ROBO2: variants seen among roughly 807,000 people sequenced by gnomAD.
ROBO2 encodes the protein roundabout homolog 2.
In ROBO2, 53 loss-of-function variants were observed where a neutral mutation model predicts 160.8. The observed-to-expected ratio is 0.33, with a 90% CI of 0.26 to 0.41. The LOEUF (loss-of-function observed/expected upper bound fraction) is 0.41. Among genes scored for constraint, ROBO2 ranks in the 10% least tolerant of loss-of-function variants. The pLI is 1.00. For missense variants in ROBO2, 1,577 were observed against 1,722.4 expected, an observed-to-expected ratio of 0.92 and a Z score of 1.49; for synonymous variants, 664 against 611.7, an observed-to-expected ratio of 1.09 and a Z score of -1.26.
At chr3:76,474,325 A>G (rs1220269784) in intron 2 of ROBO2, among the ~76,000 whole-genome samples, 4 of 152,202 alleles carry the variant, frequency 2.6e-5, no homozygotes, top group Non-Finnish European at 4.4e-5. Context: ...ATACATTATT[A>G]TATACCAGTA....
At chr3:77,625,011 A>G (rs1211282880) in intron 23 of ROBO2, among the ~76,000 whole-genome samples, 2 of 152,194 alleles carry the variant, frequency 1.3e-5, no homozygotes, top group African/African-American at 2.4e-5. Flanking sequence ...CTGCCACATT[A>G]GGGAATATAT....
At chr3:76,790,232 G>C (rs1191121211) in intron 2 of ROBO2, among the ~76,000 whole-genome samples, 1 of 151,542 alleles carries the variant, frequency 6.6e-6, no homozygotes, top group Non-Finnish European at 1.5e-5. Context: ...TCAGTAACCT[G>C]GCGATATTCT....
chr3:76,034,282 G>T (rs7644067), intron 2 of ROBO2, among the ~76,000 whole-genome samples: 8,680 of 152,256 alleles, frequency 0.057, 775 homozygotes, highest in African/African-American at 0.19. Context: ...CTCGTTTGTG[G>T]TTATAATGTT....
intron 2 of ROBO2, among the ~76,000 whole-genome samples, chr3:76,353,311 T>C (rs1435612092): frequency 6.6e-6 from 1 of 151,968 alleles, no homozygotes; most frequent in Admixed American, 6.6e-5. Context: ...ATAAGAACAG[T>C]ATTTTAAGTG....
At chr3:77,091,808 G>C (rs1442485012) in intron 1 of ROBO2, among the ~76,000 whole-genome samples, 1 of 151,628 alleles carries the variant, frequency 6.6e-6, no homozygotes, top group Non-Finnish European at 1.5e-5. Flanking sequence ...ACGAAAATCC[G>C]TCTCTACTAA....
At chr3:77,340,303 G>T (rs2066928923) in intron 2 of ROBO2, among the ~76,000 whole-genome samples, 1 of 152,080 alleles carries the variant, frequency 6.6e-6, no homozygotes, top group African/African-American at 2.4e-5. Flanking sequence ...AACGTGAAAA[G>T]TCACTTTTCT....
At chr3:76,767,736 A>T (rs1341730557) in intron 2 of ROBO2, among the ~76,000 whole-genome samples, 1 of 151,494 alleles carries the variant, frequency 6.6e-6, no homozygotes, top group Non-Finnish European at 1.5e-5. Flanking sequence ...ACATTGACAT[A>T]TTGTATAGTG....
intron 2 of ROBO2, among the ~76,000 whole-genome samples, chr3:77,099,325 T>G (rs940150934): frequency 6.6e-6 from 1 of 152,018 alleles, no homozygotes. Context: ...TACAATTTCT[T>G]ATGTAGCTAT....
At chr3:77,474,044 G>A (rs2083682981) in intron 2 of ROBO2, among the ~76,000 whole-genome samples, 1 of 152,002 alleles carries the variant, frequency 6.6e-6, no homozygotes, top group Non-Finnish European at 1.5e-5. Flanking sequence ...ATTACCTCTG[G>A]CCCCTTCCCT....
intron 2 of ROBO2, among the ~76,000 whole-genome samples, chr3:76,732,996 G>GT (rs1019700278): frequency 2.8e-5 from 4 of 140,560 alleles, no homozygotes; most frequent in Non-Finnish European, 4.6e-5. Flanking sequence ...ACTGGGGGTG[G>GT]GGGGGGGAGG....
At chr3:77,078,792 A>G (rs976494113) in intron 1 of ROBO2, among the ~76,000 whole-genome samples, 1 of 151,954 alleles carries the variant, frequency 6.6e-6, no homozygotes. Flanking sequence ...ACACCCCGCA[A>G]CTCACCAGTG....
chr3:76,735,786 A>AAAAAAAGGGG (rs1553886639), intron 2 of ROBO2, among the ~76,000 whole-genome samples: 1 of 126,600 alleles, frequency 7.9e-6, no homozygotes. Context: ...GAAAAAAAAA[A>AAAAAAAGGGG]GGGGAAAGGG....
intron 2 of ROBO2, among the ~76,000 whole-genome samples, chr3:75,968,429 T>G (rs1322778694): frequency 6.6e-6 from 1 of 151,622 alleles, no homozygotes; most frequent in Non-Finnish European, 1.5e-5. Flanking sequence ...TTTGAAATTT[T>G]TAATGTATAA....
In ROBO2 at chr3:77,626,287, T is replaced by C. The variant is rs114563324; in HGVS notation, c.3760+3855T>C. Among the ~76,000 whole-genome samples, 924 of 152,338 alleles carry C rather than the reference T, an allele frequency of 6.1e-3. 4 individuals are homozygous for C. Among genetic ancestry groups the C allele is most frequent in the Admixed American group, 0.013 (196 of 15,308 alleles). On this transcript the variant is annotated intron_variant, in intron 23 of 25. Transcript: ENST00000461745. ...AAGATATTAATTTTAGATGTGACTT[T>C]TGTGATTCATTTTTTTCACATTCAG... is the stretch of plus-strand genomic sequence containing the variant.
intron 2 of ROBO2, among the ~76,000 whole-genome samples, chr3:77,436,992 G>C (rs983780156): frequency 1.3e-5 from 2 of 151,972 alleles, no homozygotes; most frequent in African/African-American, 4.8e-5. Flanking sequence ...GTATACACAT[G>C]ATTTTCTACT....
chr3:77,616,639 T>A (rs2094784388), intron 21 of ROBO2, among the ~76,000 whole-genome samples: 1 of 152,108 alleles, frequency 6.6e-6, no homozygotes, highest in African/African-American at 2.4e-5. Context: ...AATAATATTA[T>A]TTATCTTTTC....
intron 2 of ROBO2, among the ~76,000 whole-genome samples, chr3:76,996,756 A>G (rs997088177): frequency 1.3e-5 from 2 of 152,312 alleles, no homozygotes; most frequent in East Asian, 3.9e-4. Flanking sequence ...GGATTTTGAA[A>G]GAGAGTTTAA....
At chr3:77,018,936 T>A (rs547308528) in intron 2 of ROBO2, among the ~76,000 whole-genome samples, 18 of 152,212 alleles carry the variant, frequency 1.2e-4, no homozygotes, top group African/African-American at 3.9e-4. Context: ...TCAGAGTTGA[T>A]TTCACTGCTC....
At chr3:76,715,448 G>A (rs2093364512) in intron 2 of ROBO2, among the ~76,000 whole-genome samples, 1 of 152,168 alleles carries the variant, frequency 6.6e-6, no homozygotes. Flanking sequence ...CCTTTTTCAG[G>A]TGCAGTCTAG....
Sources: gnomAD v4.1 joint callset for allele counts (sites outside exome capture counted in the v4.1 genomes callset) on GRCh38, gnomAD v4.1.1 for gene constraint, MANE v1.5 for transcripts, NCBI Gene and HGNC (gene_info 2026-07-23, HGNC 2026-07-21) for gene names.